TNPO1: variants seen among roughly 807,000 people sequenced by gnomAD.
TNPO1 encodes transportin 1, also known as transportin-1.
TNPO1 carries 8 observed loss-of-function variants against 119.5 expected under a neutral mutation model. That is an observed-to-expected ratio of 0.07 (90% CI 0.04 to 0.12). TNPO1 has a LOEUF of 0.12. Ranked by LOEUF, TNPO1 falls within the 10% of genes least tolerant of loss-of-function variation. The pLI, the probability that TNPO1 is intolerant of heterozygous loss-of-function variation, is 1.00. For missense variants in TNPO1, 576 were observed against 1,089.8 expected (o/e 0.53, Z 6.64); for synonymous variants, 362 against 363.0 (o/e 1.00, Z 0.03).
chr5:72,846,143 A>C (rs573679947), intron 1 of TNPO1, among the ~76,000 whole-genome samples: 98 of 152,376 alleles, frequency 6.4e-4, no homozygotes, highest in Non-Finnish European at 1.0e-3. Flanking sequence ...TAAAGTTTTT[A>C]AATTCACATA....
intron 7 of TNPO1, among the ~76,000 whole-genome samples, chr5:72,873,705 A>G (rs929665776): frequency 6.6e-6 from 1 of 152,092 alleles, no homozygotes; most frequent in African/African-American, 2.4e-5. Context: ...GGAGTAGACT[A>G]TTGGTGTTCA....
chr5:72,824,718 T>C (rs979786247), intron 1 of TNPO1, among the ~76,000 whole-genome samples: 6 of 152,338 alleles, frequency 3.9e-5, no homozygotes, highest in African/African-American at 1.4e-4. Flanking sequence ...CTATCTATGC[T>C]CACTTTATTG....
intron 9 of TNPO1, among the ~76,000 whole-genome samples, chr5:72,880,697 TCCCAGCTAC>T (rs1359872835): frequency 6.6e-6 from 1 of 150,862 alleles, no homozygotes; most frequent in Non-Finnish European, 1.5e-5. Context: ...ATGCTTGTAG[TCCCAGCTAC>T]TTGGGTGGCT....
intron 12 of TNPO1, 37 bp from the exon 13 acceptor site, chr5:72,888,041 A>G: frequency 6.3e-7 from 1 of 1,582,014 alleles, no homozygotes; most frequent in Non-Finnish European, 8.6e-7. Flanking sequence ...AATGTTAACT[A>G]AATTTTAGCA....
At chr5:72,883,338 T>C (rs968316348) in intron 11 of TNPO1, 106 bp downstream of exon 11, 24 of 646,618 alleles carry the variant, frequency 3.7e-5, no homozygotes, top group Middle Eastern at 2.5e-4. Flanking sequence ...TACATTTCAT[T>C]GGTTTTTAGT....
rs889541738 is a variant in TNPO1, at chr5:72,855,719, A to C, written c.206-55A>C. ...ATAAATGTTTTTAAAACTTATCGGCACATTTTGAAATTAAGACTACTTCAA... is the reference window on the plus strand; with the variant it reads ...ATAAATGTTTTTAAAACTTATCGGCCCATTTTGAAATTAAGACTACTTCAA... On this transcript the variant is annotated intron_variant, in intron 3 of 24. Transcript: ENST00000337273. 9.0e-6 allele frequency: 13 copies of C among 1,438,924 alleles called. No individual in the cohort carries two copies. The Admixed American group carries it at 2.9e-4, about 32-fold the overall frequency. 89.1% of individuals were successfully genotyped at this position (1,438,924 alleles called of 1,614,324 possible). A position where few individuals can be genotyped will look rare whatever the true frequency, so the allele number is the denominator to read the frequency against.
intron 8 of TNPO1, 55 bp from the exon 9 acceptor site, chr5:72,877,173 G>T: frequency 1.1e-6 from 1 of 895,918 alleles, no homozygotes; most frequent in Non-Finnish European, 1.8e-6. Flanking sequence ...GGACTGAATT[G>T]ATACTAATGG....
intron 23 of TNPO1, 21 bp downstream of exon 23, chr5:72,903,804 A>G (rs1037590222): frequency 2.0e-6 from 3 of 1,493,912 alleles, no homozygotes; most frequent in South Asian, 2.4e-5. Context: ...AGTCTTTATA[A>G]TGCATCATCT....
Position 72,882,380 on chromosome 5 carries a change from GT to G in TNPO1, c.921-83del, listed in dbSNP as rs1220587919. On this transcript the variant is annotated intron_variant, in intron 9 of 24. Transcript: ENST00000337273. Reference sequence around the variant, plus strand: ...AATATTACCATTGATTATCTCATTGGTTTTATTAGTACATGTAAGGTTAAGA... The same window carrying G: ...AATATTACCATTGATTATCTCATTGGTTTATTAGTACATGTAAGGTTAAGA... The G allele has an allele frequency of 1.2e-5, 11 of 947,130 alleles. No individual in the cohort carries two copies. In the Admixed American group the frequency reaches 2.5e-4, roughly 22 times the overall value. 58.7% of individuals were successfully genotyped at this position (947,130 alleles called of 1,614,324 possible). A position where few individuals can be genotyped will look rare whatever the true frequency, so the allele number is the denominator to read the frequency against.
intron 3 of TNPO1, among the ~76,000 whole-genome samples, chr5:72,852,715 A>G (rs917378595): frequency 6.6e-6 from 1 of 152,224 alleles, no homozygotes; most frequent in African/African-American, 2.4e-5. Context: ...TCAGATTTTC[A>G]TAATTCTTGC....
At position 72,912,736 on chromosome 5, in the gene TNPO1, G is replaced by A. The variant is rs978562758; in HGVS notation, c.*4063G>A. 9 of 152,320 alleles carry A rather than the reference G, an allele frequency of 5.9e-5. No individual in the cohort carries two copies. Among genetic ancestry groups the A allele is most frequent in the Non-Finnish European group, 5.9e-5 (4 of 67,900 alleles). The allele number at this position is 152,320 out of a possible 1,614,324, so 9.4% of individuals were successfully genotyped here. A position where few individuals can be genotyped will look rare whatever the true frequency, so the allele number is the denominator to read the frequency against. On this transcript the variant is annotated 3_prime_UTR_variant, in exon 25 of 25. Coordinates refer to ENST00000337273, the MANE Select transcript of TNPO1 (RefSeq NM_002270.4). ...CCCCTATATAAAATTATTCTGCCTA[G>A]CAGAAATGCCAGAAATAAATTAATT... is the stretch of plus-strand genomic sequence containing the variant.
intron 2 of TNPO1, among the ~76,000 whole-genome samples, chr5:72,850,784 C>T (rs929988149): frequency 9.2e-5 from 14 of 152,074 alleles, no homozygotes; most frequent in Admixed American, 8.5e-4. Context: ...TTCTAAAGAA[C>T]AAATGAGTCT....
intron 1 of TNPO1, among the ~76,000 whole-genome samples, chr5:72,843,431 TAAAAATTC>T (rs1385619971): frequency 3.3e-5 from 5 of 151,956 alleles, no homozygotes; most frequent in Admixed American, 6.6e-5. Flanking sequence ...CTGTCTCTGC[TAAAAATTC>T]AAAAATTAAC....
intron 1 of TNPO1, chr5:72,848,089 C>T: frequency 9.0e-7 from 1 of 1,112,670 alleles, no homozygotes; most frequent in African/African-American, 1.6e-5. Context: ...CTCCCGTGAG[C>T]GGATCTTGGG....
In TNPO1 at chr5:72,905,298, T is replaced by C; in HGVS notation, c.2590-5T>C. 1 of 1,605,256 alleles carries C rather than the reference T, an allele frequency of 6.2e-7. No individual in the cohort carries two copies. On this transcript the variant is annotated splice_polypyrimidine_tract_variant and splice_region_variant and intron_variant, in intron 23 of 24. Coordinates refer to ENST00000337273, the MANE Select transcript of TNPO1 (RefSeq NM_002270.4). ...TGATAAATTAATGGTTTTTCACTCT[T>C]ACAGATCCTTCATGGATTTAAAAAT...
intron 2 of TNPO1, among the ~76,000 whole-genome samples, chr5:72,849,729 G>A (rs761374366): frequency 1.1e-4 from 16 of 152,248 alleles, no homozygotes; most frequent in South Asian, 4.1e-4. Context: ...CTAGTACTGA[G>A]GAAAGAACAC....
At chr5:72,856,933 T>G (rs1256928652) in intron 4 of TNPO1, among the ~76,000 whole-genome samples, 1 of 152,214 alleles carries the variant, frequency 6.6e-6, no homozygotes, top group Non-Finnish European at 1.5e-5. Flanking sequence ...TACCATGGGC[T>G]TAAGCAGCTA....
chr5:72,908,007 C>CA (rs1750292786), intron 24 of TNPO1, among the ~76,000 whole-genome samples: 1 of 152,142 alleles, frequency 6.6e-6, no homozygotes, highest in South Asian at 2.1e-4. Flanking sequence ...GAGCCATATT[C>CA]ACACCACTGC....
At chr5:72,852,956 G>T (rs1373103163) in intron 3 of TNPO1, among the ~76,000 whole-genome samples, 1 of 152,070 alleles carries the variant, frequency 6.6e-6, no homozygotes. Context: ...CTTATACTAA[G>T]ATATTTATAA....
Sources: allele counts gnomAD v4.1 joint callset (sites outside exome capture counted in the v4.1 genomes callset), GRCh38; gene constraint gnomAD v4.1.1; transcripts MANE v1.5; gene names NCBI Gene and HGNC (gene_info 2026-07-23, HGNC 2026-07-21).